The following NEK7 variants were observed in gnomAD, a reference collection of about 807,000 sequenced individuals.
NEK7 encodes serine/threonine-protein kinase Nek7.
In NEK7, 18 loss-of-function variants were observed where a neutral mutation model predicts 44.6. The ratio of observed to expected loss-of-function variants is 0.40; its 90% CI spans 0.28 to 0.60. The LOEUF (loss-of-function observed/expected upper bound fraction) is 0.60, where lower values mean the gene tolerates loss of function less well. Ranked by LOEUF, NEK7 falls within the 20% of genes least tolerant of loss-of-function variation. The probability of loss-of-function intolerance (pLI) is 0.38; values close to 1 mark genes in which losing one functional copy is unlikely to be tolerated. For missense variants in NEK7, 256 were observed against 366.5 expected, an observed-to-expected ratio of 0.70 and a Z score of 2.46; for synonymous variants, 130 against 121.1, an observed-to-expected ratio of 1.07 and a Z score of -0.48.
intron 9 of NEK7, among the ~76,000 whole-genome samples, chr1:198,310,736 A>G (rs1655156353): frequency 8.5e-5 from 13 of 152,096 alleles, no homozygotes; most frequent in Admixed American, 7.9e-4. Flanking sequence ...CAGGTTTGTC[A>G]AAGATCAGAT....
At chr1:198,197,790 C>A in intron 1 of NEK7, 1 of 724,262 alleles carries the variant, frequency 1.4e-6, no homozygotes. Flanking sequence ...CAGTCAGAGT[C>A]ACTGATGGAA....
At chr1:198,311,298 G>A (rs1655173892) in intron 9 of NEK7, among the ~76,000 whole-genome samples, 1 of 105,206 alleles carries the variant, frequency 9.5e-6, no homozygotes, top group Admixed American at 1.1e-4. Flanking sequence ...TGTATCCTGA[G>A]ACTTTGCTAA....
At chr1:198,220,641 C>T (rs1427357561) in intron 1 of NEK7, among the ~76,000 whole-genome samples, 1 of 151,998 alleles carries the variant, frequency 6.6e-6, no homozygotes, top group Non-Finnish European at 1.5e-5. Flanking sequence ...TAAATGGAGG[C>T]AGGTGAGTGA....
chr1:198,223,289 T>C (rs1369193439), intron 1 of NEK7, among the ~76,000 whole-genome samples: 6 of 152,060 alleles, frequency 3.9e-5, no homozygotes, highest in Non-Finnish European at 8.8e-5. Flanking sequence ...ACTTGTAGGG[T>C]AGTAGTAGTG....
chr1:198,255,554 A>G (rs572636496), intron 3 of NEK7, among the ~76,000 whole-genome samples: 4 of 152,224 alleles, frequency 2.6e-5, no homozygotes, highest in South Asian at 4.1e-4. Flanking sequence ...CTCTTGCTGC[A>G]TTTTTCTATT....
At chr1:198,301,793 T>G (rs1356354188) in intron 9 of NEK7, among the ~76,000 whole-genome samples, 1 of 152,186 alleles carries the variant, frequency 6.6e-6, no homozygotes, top group Non-Finnish European at 1.5e-5. Flanking sequence ...GGAAAGACGG[T>G]TAAAATGTTT....
At chr1:198,251,114 C>T (rs530744805) in intron 2 of NEK7, among the ~76,000 whole-genome samples, 1 of 151,652 alleles carries the variant, frequency 6.6e-6, no homozygotes, top group Non-Finnish European at 1.5e-5. Flanking sequence ...TGTCAAAGGC[C>T]TTTTCTGCAT....
At chr1:198,178,646 T>G (rs1664671783) in intron 1 of NEK7, among the ~76,000 whole-genome samples, 1 of 152,072 alleles carries the variant, frequency 6.6e-6, no homozygotes, top group Non-Finnish European at 1.5e-5. Flanking sequence ...GCCCAGTATT[T>G]TGCAGATTCA....
chr1:198,200,267 A>T (rs1382166737), intron 1 of NEK7, among the ~76,000 whole-genome samples: 1 of 152,174 alleles, frequency 6.6e-6, no homozygotes, highest in East Asian at 1.9e-4. Flanking sequence ...GATTATTCTA[A>T]AATCTGGTTC....
intron 1 of NEK7, among the ~76,000 whole-genome samples, chr1:198,222,810 T>C (rs2102848536): frequency 6.9e-6 from 1 of 145,408 alleles, no homozygotes; most frequent in Non-Finnish European, 1.5e-5. Flanking sequence ...AAAAAGTAAA[T>C]AATAAGACAA....
intron 9 of NEK7, among the ~76,000 whole-genome samples, chr1:198,310,739 G>T (rs1243233267): frequency 6.6e-6 from 1 of 151,986 alleles, no homozygotes; most frequent in Non-Finnish European, 1.5e-5. Context: ...GTTTGTCAAA[G>T]ATCAGATGTA....
intron 2 of NEK7, among the ~76,000 whole-genome samples, chr1:198,238,859 A>G (rs552423596): frequency 6.6e-6 from 1 of 152,300 alleles, no homozygotes; most frequent in East Asian, 1.9e-4. Context: ...GGTACCTCAT[A>G]CTTACAGTTT....
chr1:198,265,925 C>A (rs868070236), intron 5 of NEK7, among the ~76,000 whole-genome samples: 1 of 151,866 alleles, frequency 6.6e-6, no homozygotes, highest in Non-Finnish European at 1.5e-5. Context: ...GTTACTTAAC[C>A]ATCATAATAA....
At chr1:198,317,122 T>TA in intron 9 of NEK7, among the ~76,000 whole-genome samples, 1 of 152,380 alleles carries the variant, frequency 6.6e-6, no homozygotes, top group Non-Finnish European at 1.5e-5. Flanking sequence ...ATAAATATAG[T>TA]AAAGTATGCA....
chr1:198,245,332 G>A (rs12046935), intron 2 of NEK7: 22,863 of 169,194 alleles, frequency 0.14, 2,211 homozygotes, highest in East Asian at 0.57. Flanking sequence ...TTAAAAGCCT[G>A]TGTGATCCAG....
intron 2 of NEK7, among the ~76,000 whole-genome samples, chr1:198,248,503 T>C (rs370542830): frequency 1.8e-4 from 27 of 152,318 alleles, no homozygotes; most frequent in African/African-American, 6.5e-4. Context: ...TGTATTTGGG[T>C]AAGCCGTTTG....
intron 9 of NEK7, among the ~76,000 whole-genome samples, chr1:198,303,115 G>A (rs1247288070): frequency 2.6e-5 from 4 of 152,162 alleles, no homozygotes; most frequent in Non-Finnish European, 4.4e-5. Flanking sequence ...TAACTCAGGG[G>A]CAATGTAACA....
chr1:198,209,019 A>C (rs1041494524), intron 1 of NEK7, among the ~76,000 whole-genome samples: 2 of 140,872 alleles, frequency 1.4e-5, no homozygotes, highest in African/African-American at 5.6e-5. Flanking sequence ...TGATGCATTA[A>C]AGCATATATG....
chr1:198,232,578 A>G lies in NEK7; in HGVS notation c.-3A>G. On this transcript the variant is annotated 5_prime_UTR_variant, in exon 2 of 10. Coordinates refer to ENST00000367385, the MANE Select transcript of NEK7 (RefSeq NM_133494.3). ...AGTTCTAAAGTTCCTGTTGCTTCAG[A>G]CAATGGATGAGCAATCACAAGGAAT... The G allele has an allele frequency of 3.1e-6, 5 of 1,596,326 alleles. No individual in the cohort carries two copies. The highest frequency in any genetic ancestry group is 2.7e-5 in the African/African-American group (2 of 74,598).
Sources: allele counts gnomAD v4.1 joint callset (sites outside exome capture counted in the v4.1 genomes callset), GRCh38; gene constraint gnomAD v4.1.1; transcripts MANE v1.5; gene names NCBI Gene and HGNC (gene_info 2026-07-23, HGNC 2026-07-21).